SORCS2: variants seen among roughly 807,000 people sequenced by gnomAD.
The protein encoded by SORCS2 is sortilin related VPS10 domain containing receptor 2.
In SORCS2, 100 loss-of-function variants were observed where a neutral mutation model predicts 141.6. The ratio of observed to expected loss-of-function variants is 0.71; its 90% CI spans 0.60 to 0.83. The LOEUF (loss-of-function observed/expected upper bound fraction) is 0.83, where lower values mean the gene tolerates loss of function less well. Among genes scored for constraint, SORCS2 ranks in the 40% least tolerant of loss-of-function variants. The probability of loss-of-function intolerance (pLI) is 0.00; values close to 1 mark genes in which losing one functional copy is unlikely to be tolerated. For missense variants in SORCS2, 1,646 were observed against 1,560.2 expected (o/e 1.05, Z -0.93); for synonymous variants, 789 against 676.9 (o/e 1.17, Z -2.57).
chr4:7,385,181 A>AT (rs1723216798), intron 1 of SORCS2, among the ~76,000 whole-genome samples: 1 of 152,180 alleles, frequency 6.6e-6, no homozygotes, highest in African/African-American at 2.4e-5. Context: ...GTGAGGCCGC[A>AT]TCCCTTGGAG....
At chr4:7,572,417 CGT>C (rs1173071751) in intron 3 of SORCS2, among the ~76,000 whole-genome samples, 1,676 of 152,110 alleles carry the variant, frequency 0.011, 38 homozygotes, top group African/African-American at 0.038. Context: ...ATCATTTAAA[CGT>C]AAGTTTCTTT....
chr4:7,360,713 G>A (rs962123605), intron 1 of SORCS2, among the ~76,000 whole-genome samples: 2 of 150,080 alleles, frequency 1.3e-5, no homozygotes. Context: ...CTCCCGAGTA[G>A]CTGGGACTAT....
At chr4:7,428,683 G>A (rs1726619692) in intron 2 of SORCS2, among the ~76,000 whole-genome samples, 2 of 152,214 alleles carry the variant, frequency 1.3e-5, no homozygotes, top group South Asian at 2.1e-4. Context: ...GTGTGTGCAA[G>A]GCCAGGCCGG....
At chr4:7,265,008 C>T (rs967047001) in intron 1 of SORCS2, among the ~76,000 whole-genome samples, 1 of 152,246 alleles carries the variant, frequency 6.6e-6, no homozygotes, top group Admixed American at 6.5e-5. Flanking sequence ...GGCCCTGACA[C>T]CAGCTTCTAT....
intron 1 of SORCS2, among the ~76,000 whole-genome samples, chr4:7,378,521 C>T (rs1722794236): frequency 6.6e-6 from 1 of 152,188 alleles, no homozygotes; most frequent in Non-Finnish European, 1.5e-5. Context: ...ATAAAACCCT[C>T]AGATCTCATG....
chr4:7,512,255 C>T (rs1732704602), intron 2 of SORCS2, among the ~76,000 whole-genome samples: 1 of 151,152 alleles, frequency 6.6e-6, no homozygotes, highest in Non-Finnish European at 1.5e-5. Flanking sequence ...GGCCGCATCT[C>T]GAAGTCCAGC....
intron 1 of SORCS2, among the ~76,000 whole-genome samples, chr4:7,386,203 T>G (rs1723294733): frequency 9.4e-6 from 1 of 106,914 alleles, no homozygotes; most frequent in Admixed American, 9.1e-5. Context: ...ACATACACAT[T>G]TGCACACACG....
chr4:7,194,319 A>C (rs1174848726), intron 1 of SORCS2, among the ~76,000 whole-genome samples: 1 of 152,054 alleles, frequency 6.6e-6, no homozygotes, highest in Non-Finnish European at 1.5e-5. Context: ...AAAGGGCATA[A>C]TCTGGGTGGT....
intron 1 of SORCS2, among the ~76,000 whole-genome samples, chr4:7,202,244 C>G (rs1053101301): frequency 1.3e-5 from 2 of 152,174 alleles, no homozygotes; most frequent in South Asian, 2.1e-4. Context: ...AGCCTCATGA[C>G]TCGGGACCGC....
intron 2 of SORCS2, among the ~76,000 whole-genome samples, chr4:7,522,840 CCCCACTTCT>C: frequency 2.6e-5 from 1 of 38,984 alleles, no homozygotes; most frequent in Non-Finnish European, 5.7e-5. Flanking sequence ...TCCCTCCTCC[CCCCACTTCT>C]TCCTCCCTTT....
intron 2 of SORCS2, among the ~76,000 whole-genome samples, chr4:7,429,249 C>T (rs1226003955): frequency 6.6e-6 from 1 of 152,122 alleles, no homozygotes; most frequent in African/African-American, 2.4e-5. Flanking sequence ...CGTGGGCTTC[C>T]CTGGTGCTGC....
At chr4:7,738,984 T>C (rs2148907559) in intron 26 of SORCS2, among the ~76,000 whole-genome samples, 1 of 152,206 alleles carries the variant, frequency 6.6e-6, no homozygotes, top group Admixed American at 6.5e-5. Context: ...GTCTGTAGAC[T>C]TGGAAACATC....
chr4:7,606,848 A>G (rs1274918163), intron 3 of SORCS2, among the ~76,000 whole-genome samples: 1 of 152,084 alleles, frequency 6.6e-6, no homozygotes, highest in Admixed American at 6.5e-5. Flanking sequence ...GGCAATTTTT[A>G]TAATAATGCA....
chr4:7,691,925 C>A (rs1011499689), intron 11 of SORCS2, among the ~76,000 whole-genome samples: 1 of 152,014 alleles, frequency 6.6e-6, no homozygotes, highest in Non-Finnish European at 1.5e-5. Flanking sequence ...AGGAGTCATG[C>A]AAAGCACCGA....
chr4:7,682,602 T>A, intron 9 of SORCS2, 141 bp from the exon 10 acceptor site: 2 of 814,476 alleles, frequency 2.5e-6, no homozygotes, highest in Non-Finnish European at 3.9e-6. Flanking sequence ...CTCTAGAATG[T>A]GTCTCAGCTG....
rs1223715772 is a variant in SORCS2 at position 7,491,220 on chromosome 4, TC to T, written c.549-40307del. Among the ~76,000 whole-genome samples, 5 of 152,174 alleles carry T rather than the reference TC, an allele frequency of 3.3e-5. No individual in the cohort carries two copies. In the East Asian group the frequency reaches 9.6e-4, roughly 29 times the overall value. On this transcript the variant is annotated intron_variant, in intron 2 of 26. Transcript: ENST00000507866. ...CCTTCCAGGCCTTGGCACATGCTGT[TC>T]CCTTTGCCCTCTCACCTGAGTAACC... is the stretch of plus-strand genomic sequence containing the variant.
Position 7,661,554 on chromosome 4 carries a change from C to T in SORCS2, c.942C>T (p.Asp314=), listed in dbSNP as rs766696914. ...DPDLVHVEAQ[D]LGGDFRYVTC... Reference sequence around the variant, plus strand: ...ACTTGGTCCACGTGGAAGCCCAAGACCTCGGTGGAGGTAAGCCGGGCAGTG... The same window carrying T: ...ACTTGGTCCACGTGGAAGCCCAAGATCTCGGTGGAGGTAAGCCGGGCAGTG... The change falls in exon 6 of 27, where the codon GAC becomes GAT. Residue 314 remains aspartate, a synonymous_variant. Transcript: ENST00000507866. The T allele has an allele frequency of 2.1e-5, 33 of 1,551,814 alleles. No individual in the cohort carries two copies. The African/African-American group carries it at 4.1e-4, about 19-fold the overall frequency.
chr4:7,446,497 G>A (rs1168587610), intron 2 of SORCS2, among the ~76,000 whole-genome samples: 1 of 152,186 alleles, frequency 6.6e-6, no homozygotes, highest in Admixed American at 6.5e-5. Context: ...CTGTAGGATC[G>A]TTCCAATCAA....
At chr4:7,263,900 C>T (rs991051493) in intron 1 of SORCS2, among the ~76,000 whole-genome samples, 19 of 152,258 alleles carry the variant, frequency 1.2e-4, no homozygotes, top group East Asian at 7.7e-4. Context: ...TCGTTCCCAC[C>T]GTGGGCCGTG....
Sources: gnomAD v4.1 joint callset for allele counts (sites outside exome capture counted in the v4.1 genomes callset) on GRCh38, gnomAD v4.1.1 for gene constraint, MANE v1.5 for transcripts, NCBI Gene and HGNC (gene_info 2026-07-23, HGNC 2026-07-21) for gene names.